Variants in CAST observed in about 807,000 individuals in gnomAD.
The protein encoded by CAST is MIR583 host.
CAST carries 76 observed loss-of-function variants against 119.6 expected under a neutral mutation model. That is an observed-to-expected ratio of 0.64 (90% confidence interval 0.53 to 0.77). The LOEUF (loss-of-function observed/expected upper bound fraction) is 0.77, where lower values mean the gene tolerates loss of function less well. Among genes scored for constraint, CAST ranks in the 30% least tolerant of loss-of-function variants. CAST has a pLI of 0.00. For synonymous variants in CAST, 319 were observed against 331.6 expected, an observed-to-expected ratio of 0.96 and a Z score of 0.41; for missense variants, 953 against 946.5, an observed-to-expected ratio of 1.01 and a Z score of -0.09.
At chr5:96,046,341 A>T in the CAST span, among the ~76,000 whole-genome samples, 1 of 152,220 alleles carries the variant, frequency 6.6e-6, no homozygotes, top group Non-Finnish European at 1.5e-5. Context: ...ATCTAGCACC[A>T]ACCTATTAGG....
intron 7 of CAST, 86 bp downstream of exon 7, chr5:96,729,295 C>G: frequency 1.3e-6 from 1 of 764,308 alleles, no homozygotes; most frequent in Non-Finnish European, 2.3e-6. Context: ...CAAAACTAAT[C>G]CCTACAATGG....
chr5:96,673,203 T>C (rs1750323538), intron 1 of CAST, among the ~76,000 whole-genome samples: 1 of 152,256 alleles, frequency 6.6e-6, no homozygotes, highest in Admixed American at 6.5e-5. Flanking sequence ...GGATGTGATA[T>C]CATGGTTCTA....
chr5:96,495,381 A>G, the CAST span, among the ~76,000 whole-genome samples: 2 of 151,900 alleles, frequency 1.3e-5, no homozygotes, highest in Non-Finnish European at 2.9e-5. Flanking sequence ...TAAGCCCCGC[A>G]TGCATTAGGT....
At chr5:96,354,392 T>A in the CAST span, among the ~76,000 whole-genome samples, 1 of 152,200 alleles carries the variant, frequency 6.6e-6, no homozygotes, top group African/African-American at 2.4e-5. Flanking sequence ...TCTATGTAGC[T>A]TCTCAGAGGC....
chr5:96,014,660 C>G, the CAST span, among the ~76,000 whole-genome samples: 2 of 152,092 alleles, frequency 1.3e-5, no homozygotes, highest in Non-Finnish European at 2.9e-5. Flanking sequence ...ATGGGACACT[C>G]TCTCATATGC....
In CAST at chr5:96,740,111, T is replaced by C; in HGVS notation, c.872T>C (p.Leu291Pro). Residue 291 changes from leucine to proline, a missense_variant, in exon 12 of 32, where the codon CTA (leucine) becomes CCA (proline). Coordinates refer to ENST00000675179, the MANE Select transcript of CAST (RefSeq NM_001750.7). ...ACAATTCCTCCAAAATATAGGGAAC[T>C]ATTGGCTGTAAGTTAAATAATCATT... ...EVTIPPKYRE[L>P]LAKKEGITGP... 1 of 1,439,000 alleles carries C rather than the reference T, an allele frequency of 6.9e-7. No homozygotes were observed. Among genetic ancestry groups the C allele is most frequent in the Non-Finnish European group, 9.7e-7 (1 of 1,032,896 alleles). 89.1% of individuals were successfully genotyped at this position (1,439,000 alleles called of 1,614,324 possible).
the CAST span, among the ~76,000 whole-genome samples, chr5:96,419,871 T>C: frequency 6.6e-6 from 1 of 152,082 alleles, no homozygotes; most frequent in African/African-American, 2.4e-5. Flanking sequence ...GAGTGTTCCA[T>C]CTCCTGACTG....
At chr5:96,653,620 T>C (rs1270889239) in intron 1 of CAST, among the ~76,000 whole-genome samples, 1 of 152,248 alleles carries the variant, frequency 6.6e-6, no homozygotes, top group Non-Finnish European at 1.5e-5. Context: ...AAGCAAAAGG[T>C]AAATCATAGA....
At chr5:96,121,190 A>T in the CAST span, among the ~76,000 whole-genome samples, 5 of 152,210 alleles carry the variant, frequency 3.3e-5, no homozygotes, top group East Asian at 9.6e-4. Context: ...CACTGCTGTT[A>T]GCCCCAGCAT....
chr5:96,622,492 G>C (rs1046658387), intron 1 of CAST, among the ~76,000 whole-genome samples: 2 of 152,196 alleles, frequency 1.3e-5, no homozygotes, highest in African/African-American at 4.8e-5. Context: ...GCTGTCACTG[G>C]TGAAAGCTTC....
the CAST span, among the ~76,000 whole-genome samples, chr5:96,140,829 C>T: frequency 6.6e-6 from 1 of 152,070 alleles, no homozygotes. Context: ...GCATCATTAC[C>T]CCTATCAATT....
chr5:96,429,433 T>C, the CAST span: 6 of 648,948 alleles, frequency 9.2e-6, no homozygotes, highest in Non-Finnish European at 1.6e-5. Flanking sequence ...ATTCCTGGTA[T>C]CTGAAATTAA....
chr5:96,488,423 A>G, the CAST span, among the ~76,000 whole-genome samples: 1 of 152,202 alleles, frequency 6.6e-6, no homozygotes, highest in African/African-American at 2.4e-5. Context: ...CTCTTCCCTT[A>G]TTTTACTATT....
the CAST span, among the ~76,000 whole-genome samples, chr5:96,244,265 TAAAG>T: frequency 2.0e-5 from 3 of 152,188 alleles, no homozygotes; most frequent in Admixed American, 1.3e-4. Flanking sequence ...TTTTGATAAA[TAAAG>T]AGAAGATTTC....
intron 1 of CAST, among the ~76,000 whole-genome samples, chr5:96,622,682 G>A (rs2611714): frequency 0.094 from 14,331 of 152,032 alleles, 778 homozygotes; most frequent in Middle Eastern, 0.16. Flanking sequence ...TAGCCAAAGG[G>A]TCTGATGTCC....
the CAST span, among the ~76,000 whole-genome samples, chr5:96,140,351 T>A: frequency 6.6e-6 from 1 of 152,262 alleles, no homozygotes; most frequent in Admixed American, 6.5e-5. Context: ...TGCTTTAAAT[T>A]GCTTAACCTT....
At chr5:95,975,861 C>T in the CAST span, among the ~76,000 whole-genome samples, 2 of 152,080 alleles carry the variant, frequency 1.3e-5, no homozygotes, top group African/African-American at 4.8e-5. Context: ...AATGATGTTA[C>T]TCAGGATCCC....
the CAST span, among the ~76,000 whole-genome samples, chr5:96,203,845 T>C: frequency 6.6e-6 from 1 of 151,982 alleles, no homozygotes; most frequent in African/African-American, 2.4e-5. Context: ...TCCCCAAAGA[T>C]GTGCAATATG....
the CAST span, among the ~76,000 whole-genome samples, chr5:96,306,743 A>T: frequency 6.6e-6 from 1 of 152,116 alleles, no homozygotes; most frequent in African/African-American, 2.4e-5. Context: ...TTCAGTTTTT[A>T]TGTAATTGTG....
Sources: allele counts gnomAD v4.1 joint callset (sites outside exome capture counted in the v4.1 genomes callset), GRCh38; gene constraint gnomAD v4.1.1; transcripts MANE v1.5; gene names NCBI Gene and HGNC (gene_info 2026-07-23, HGNC 2026-07-21).